The following SORCS3 variants were observed in gnomAD, a reference collection of about 807,000 sequenced individuals.
The protein encoded by SORCS3 is VPS10 domain-containing receptor SorCS3.
A neutral mutation model predicts 146.3 loss-of-function variants in SORCS3; 57 were observed. The observed-to-expected ratio is 0.39, with a 90% confidence interval of 0.31 to 0.49. SORCS3 has a LOEUF of 0.49. Among genes scored for constraint, SORCS3 ranks in the 20% least tolerant of loss-of-function variants. SORCS3 has a pLI of 0.92. For missense variants in SORCS3, 1,341 were observed against 1,575.5 expected (o/e 0.85, Z 2.52); for synonymous variants, 653 against 618.5 (o/e 1.06, Z -0.83).
chr10:104,812,857 C>T (rs952386088), intron 1 of SORCS3, among the ~76,000 whole-genome samples: 5 of 152,208 alleles, frequency 3.3e-5, no homozygotes, highest in African/African-American at 1.2e-4. Flanking sequence ...CCAGTTTCAT[C>T]CCCATGTCCT....
At chr10:104,803,296 G>C (rs541936846) in intron 1 of SORCS3, among the ~76,000 whole-genome samples, 1 of 152,318 alleles carries the variant, frequency 6.6e-6, no homozygotes, top group South Asian at 2.1e-4. Flanking sequence ...AAAGAGAGGG[G>C]ATGGGTGAGG....
intron 1 of SORCS3, among the ~76,000 whole-genome samples, chr10:104,755,194 C>A (rs1391959894): frequency 6.6e-6 from 1 of 152,148 alleles, no homozygotes; most frequent in Non-Finnish European, 1.5e-5. Flanking sequence ...TGAAACCTGA[C>A]CAATGATTTG....
intron 7 of SORCS3, 54 bp downstream of exon 7, chr10:105,105,569 G>T (rs2055815200): frequency 3.2e-6 from 4 of 1,265,352 alleles, no homozygotes; most frequent in Admixed American, 1.7e-5. Context: ...GAAGTTGGCT[G>T]CCTGCTAGGA....
intron 5 of SORCS3, among the ~76,000 whole-genome samples, chr10:105,073,740 C>G (rs1372568635): frequency 1.3e-5 from 2 of 152,066 alleles, no homozygotes; most frequent in African/African-American, 4.8e-5. Context: ...GAGCTGGTAC[C>G]TCGGACTGGG....
chr10:105,224,553 T>C (rs1016243914), intron 20 of SORCS3, among the ~76,000 whole-genome samples: 4 of 152,204 alleles, frequency 2.6e-5, no homozygotes, highest in African/African-American at 9.6e-5. Context: ...TAAACGTTCA[T>C]GGGCAAGTTT....
chr10:105,211,591 C>T (rs1049899933), intron 17 of SORCS3, among the ~76,000 whole-genome samples: 1 of 152,176 alleles, frequency 6.6e-6, no homozygotes, highest in South Asian at 2.1e-4. Context: ...AGATATTACA[C>T]TACTCTCTAG....
rs145563047 is a variant in SORCS3, at chr10:104,765,357, T to C, written c.628-77435T>C. 2.8e-3 allele frequency among the ~76,000 whole-genome samples: 419 copies of C among 152,350 alleles called. 1 individual carries two copies. The highest frequency in any genetic ancestry group is 6.8e-3 in the Middle Eastern group (2 of 294). On this transcript the variant is annotated intron_variant, in intron 1 of 26. Coordinates refer to ENST00000369701, the MANE Select transcript of SORCS3 (RefSeq NM_014978.3). ...AGAAATGAGGAGGTTTATGGAGCCTTACAAAGCTGTATGGTCGTGGAGCTA... is the reference window on the plus strand; with the variant it reads ...AGAAATGAGGAGGTTTATGGAGCCTCACAAAGCTGTATGGTCGTGGAGCTA...
intron 16 of SORCS3, among the ~76,000 whole-genome samples, chr10:105,207,460 A>AAT (rs2056609569): frequency 1.3e-5 from 2 of 152,240 alleles, no homozygotes; most frequent in South Asian, 4.1e-4. Context: ...CTTGAAGGAA[A>AAT]ATGTGTGTGT....
chr10:104,938,442 C>T (rs1223411260), intron 3 of SORCS3, among the ~76,000 whole-genome samples: 1 of 152,174 alleles, frequency 6.6e-6, no homozygotes, highest in African/African-American at 2.4e-5. Flanking sequence ...AATATTTTTG[C>T]TTGCCTTATC....
At chr10:104,857,642 C>A (rs964954999) in intron 2 of SORCS3, among the ~76,000 whole-genome samples, 1 of 152,126 alleles carries the variant, frequency 6.6e-6, no homozygotes, top group Non-Finnish European at 1.5e-5. Flanking sequence ...CTTTTCCCCC[C>A]AGAATCTCTG....
chr10:104,946,071 C>A (rs1467142385), intron 3 of SORCS3, among the ~76,000 whole-genome samples: 1 of 151,908 alleles, frequency 6.6e-6, no homozygotes, highest in African/African-American at 2.4e-5. Flanking sequence ...AATATTAATT[C>A]TGACTCTGGT....
Position 104,696,119 on chromosome 10 carries a change from TAA to T in SORCS3, c.627+54166_627+54167del, listed in dbSNP as rs1407595987. ...ATATATCATATACACATATTATATATAATATATATCATATACACATATTATAT... is the reference window on the plus strand; with the variant it reads ...ATATATCATATACACATATTATATATTATATATCATATACACATATTATAT... On this transcript the variant is annotated intron_variant, in intron 1 of 26. Transcript: ENST00000369701. Among the ~76,000 whole-genome samples, 11 of 113,784 alleles carry T rather than the reference TAA, an allele frequency of 9.7e-5. 1 individual carries two copies. Among genetic ancestry groups the T allele is most frequent in the Non-Finnish European group, 1.9e-4 (11 of 58,354 alleles). The allele number at this position is 113,784 out of a possible 152,430, so 74.6% of individuals were successfully genotyped here.
rs67886313 is a variant in SORCS3, at chr10:105,163,883, T to TACACACACACACACAC, written c.1733-397_1733-382dup. Among the ~76,000 whole-genome samples the TACACACACACACACAC allele has an allele frequency of 1.2e-3, 168 of 138,710 alleles. 1 individual carries two copies. Among genetic ancestry groups the TACACACACACACACAC allele is most frequent in the South Asian group, 2.2e-3 (9 of 4,090 alleles). The allele number at this position is 138,710 out of a possible 152,430, so 91.0% of individuals were successfully genotyped here. On this transcript the variant is annotated intron_variant, in intron 11 of 26. Coordinates refer to ENST00000369701, the MANE Select transcript of SORCS3 (RefSeq NM_014978.3). ...ACACACAGACACACAGTTACGCACA[T>TACACACACACACACAC]ACACACACACACACACACACACACA...
At chr10:104,850,843 A>G (rs746216876) in intron 2 of SORCS3, among the ~76,000 whole-genome samples, 1 of 152,252 alleles carries the variant, frequency 6.6e-6, no homozygotes, top group Non-Finnish European at 1.5e-5. Flanking sequence ...TACCCAAAAG[A>G]TACCTTTCCT....
intron 4 of SORCS3, among the ~76,000 whole-genome samples, chr10:105,039,359 A>G (rs144762805): frequency 1.3e-3 from 194 of 152,238 alleles, no homozygotes; most frequent in African/African-American, 4.4e-3. Context: ...CCATCAGTCA[A>G]ACTGAAGAGC....
chr10:104,962,712 G>A (rs1169122124), intron 3 of SORCS3, among the ~76,000 whole-genome samples: 2 of 152,210 alleles, frequency 1.3e-5, no homozygotes, highest in East Asian at 1.9e-4. Context: ...GTATATGTGT[G>A]TGTGTAGACA....
intron 4 of SORCS3, among the ~76,000 whole-genome samples, chr10:105,015,515 G>A (rs2055159674): frequency 6.6e-6 from 1 of 152,064 alleles, no homozygotes; most frequent in Non-Finnish European, 1.5e-5. Context: ...ATCAAAGTAG[G>A]CTTTATACAG....
chr10:104,948,952 C>G (rs61195144), intron 3 of SORCS3, among the ~76,000 whole-genome samples: 2,689 of 152,258 alleles, frequency 0.018, 76 homozygotes, highest in African/African-American at 0.061. Flanking sequence ...GCTACAGTAG[C>G]CCAAGCCAAT....
chr10:104,719,487 T>C (rs1427675685), intron 1 of SORCS3, among the ~76,000 whole-genome samples: 1 of 152,204 alleles, frequency 6.6e-6, no homozygotes, highest in Non-Finnish European at 1.5e-5. Flanking sequence ...TCTGAAAGAA[T>C]GGAAAGGTTG....
Sources: gnomAD v4.1 joint callset for allele counts (sites outside exome capture counted in the v4.1 genomes callset) on GRCh38, gnomAD v4.1.1 for gene constraint, MANE v1.5 for transcripts, NCBI Gene and HGNC (gene_info 2026-07-23, HGNC 2026-07-21) for gene names.